The following DGKB variants were observed in gnomAD, a reference collection of about 807,000 sequenced individuals.
The protein encoded by DGKB is diacylglycerol kinase beta.
Under a neutral mutation model 114.3 loss-of-function variants are expected in DGKB, and 67 were observed. That is an observed-to-expected ratio of 0.59 (90% CI 0.48 to 0.72). The LOEUF (loss-of-function observed/expected upper bound fraction) is 0.72. Ranked by LOEUF, DGKB falls within the 30% of genes least tolerant of loss-of-function variation. The pLI is 0.00. For synonymous variants in DGKB, 398 were observed against 323.1 expected (o/e 1.23, Z -2.49); for missense variants, 907 against 975.2 (o/e 0.93, Z 0.93).
rs547219799 is a variant in DGKB, at chr7:14,719,723, G to A, written c.323-1038C>T. Among the ~76,000 whole-genome samples, 10 of 152,220 alleles carry A rather than the reference G, an allele frequency of 6.6e-5. No individual in the cohort carries two copies. The South Asian group carries it at 1.9e-3, about 28-fold the overall frequency. On this transcript the variant is annotated intron_variant, in intron 5 of 25. Transcript: ENST00000402815. ...CCATGAATACCTATCACCTCGTCAA[G>A]CCATCTCAAGATTCCCAGGCATATA...
chr7:14,650,060 C>T (rs968169681), intron 13 of DGKB, among the ~76,000 whole-genome samples: 3 of 151,888 alleles, frequency 2.0e-5, no homozygotes, highest in Non-Finnish European at 2.9e-5. Flanking sequence ...GACTTTAACA[C>T]CCCACTGTCA....
chr7:14,425,144 A>G (rs1276014145), intron 21 of DGKB, among the ~76,000 whole-genome samples: 2 of 151,996 alleles, frequency 1.3e-5, no homozygotes, highest in African/African-American at 4.8e-5. Flanking sequence ...TTCTTCTTTT[A>G]TTTGCTAATA....
chr7:14,236,368 C>CA (rs5882436), intron 23 of DGKB, among the ~76,000 whole-genome samples: 10 of 150,558 alleles, frequency 6.6e-5, no homozygotes, highest in Admixed American at 4.0e-4. Flanking sequence ...TTATTTCTGC[C>CA]AAAAAAAAGG....
At chr7:14,382,514 C>A (rs1416720808) in intron 21 of DGKB, among the ~76,000 whole-genome samples, 4 of 151,774 alleles carry the variant, frequency 2.6e-5, no homozygotes, top group African/African-American at 9.7e-5. Flanking sequence ...CTATAGTTTG[C>A]CTTATGGAAG....
intron 18 of DGKB, among the ~76,000 whole-genome samples, chr7:14,582,559 C>G (rs1052400541): frequency 3.3e-5 from 5 of 152,036 alleles, no homozygotes; most frequent in African/African-American, 1.2e-4. Flanking sequence ...TTAATACTAT[C>G]TGTATCATAG....
intron 2 of DGKB, among the ~76,000 whole-genome samples, chr7:14,765,875 CTT>C (rs2128461959): frequency 6.6e-6 from 1 of 151,962 alleles, no homozygotes; most frequent in Admixed American, 6.6e-5. Context: ...TTTAACAACT[CTT>C]TGGGATGTGA....
At chr7:14,842,033 T>C (rs1386091762) in intron 1 of DGKB, among the ~76,000 whole-genome samples, 1 of 152,230 alleles carries the variant, frequency 6.6e-6, no homozygotes, top group African/African-American at 2.4e-5. Context: ...ATCTCTAGGT[T>C]GTCATGGACC....
chr7:14,271,680 A>T (rs985847026), intron 23 of DGKB, among the ~76,000 whole-genome samples: 2 of 152,326 alleles, frequency 1.3e-5, no homozygotes, highest in Non-Finnish European at 2.9e-5. Context: ...AGTGCTCTGA[A>T]AGAGAGCACT....
intron 21 of DGKB, among the ~76,000 whole-genome samples, chr7:14,361,047 G>C (rs1196751427): frequency 6.6e-6 from 1 of 151,790 alleles, no homozygotes; most frequent in Admixed American, 6.6e-5. Context: ...CCTATATTCT[G>C]TGAAGACTAC....
At chr7:14,405,735 G>C (rs1265179838) in intron 21 of DGKB, among the ~76,000 whole-genome samples, 1 of 152,048 alleles carries the variant, frequency 6.6e-6, no homozygotes, top group African/African-American at 2.4e-5. Context: ...GTATGTGAGA[G>C]AGTAATGGAA....
intron 1 of DGKB, among the ~76,000 whole-genome samples, chr7:14,863,830 T>C (rs748315981): frequency 6.6e-6 from 1 of 152,080 alleles, no homozygotes; most frequent in Non-Finnish European, 1.5e-5. Context: ...CCGGGTGTGG[T>C]GGCTCATGTC....
intron 1 of DGKB, among the ~76,000 whole-genome samples, chr7:14,892,233 T>C (rs1297586664): frequency 6.6e-6 from 1 of 151,212 alleles, no homozygotes; most frequent in Non-Finnish European, 1.5e-5. Flanking sequence ...AATACCAAGA[T>C]CCAGAATGGA....
At chr7:14,603,034 A>G (rs1803844760) in intron 17 of DGKB, among the ~76,000 whole-genome samples, 1 of 152,166 alleles carries the variant, frequency 6.6e-6, no homozygotes, top group African/African-American at 2.4e-5. Context: ...AAAGGTGACT[A>G]AAGGCCTACA....
Position 14,487,687 on chromosome 7 carries a change from G to A in DGKB, c.1771-9462C>T, listed in dbSNP as rs144885743. On this transcript the variant is annotated intron_variant, in intron 20 of 25. Coordinates refer to ENST00000402815, the MANE Select transcript of DGKB (RefSeq NM_001350709.2). Reference sequence around the variant, plus strand: ...CAGTGCAATAGCTCACTGCAGCCTTGAACTCCTGGGCTCCAGTGATCCTCT... The same window carrying A: ...CAGTGCAATAGCTCACTGCAGCCTTAAACTCCTGGGCTCCAGTGATCCTCT... 8.8e-3 allele frequency among the ~76,000 whole-genome samples: 1,299 copies of A among 147,950 alleles called. 12 individuals are homozygous for A. Among genetic ancestry groups the A allele is most frequent in the Non-Finnish European group, 0.014 (911 of 67,374 alleles).
At chr7:14,262,746 A>T (rs139415620) in intron 23 of DGKB, among the ~76,000 whole-genome samples, 315 of 152,276 alleles carry the variant, frequency 2.1e-3, no homozygotes, top group Non-Finnish European at 3.4e-3. Context: ...ATGTGGAATG[A>T]TAAACTCAGA....
At chr7:14,325,802 G>C (rs114084647) in intron 23 of DGKB, among the ~76,000 whole-genome samples, 57 of 152,208 alleles carry the variant, frequency 3.7e-4, no homozygotes, top group African/African-American at 1.3e-3. Flanking sequence ...AGGGCTACTG[G>C]TCCACGGTTA....
At chr7:14,314,870 G>A (rs931622858) in intron 23 of DGKB, among the ~76,000 whole-genome samples, 12 of 151,792 alleles carry the variant, frequency 7.9e-5, no homozygotes, top group African/African-American at 2.2e-4. Flanking sequence ...AAATGTTAAG[G>A]GCAGCCAGAG....
Position 14,874,581 on chromosome 7 carries a change from A to C in DGKB, c.-188+28011T>G, listed in dbSNP as rs114607279. Among the ~76,000 whole-genome samples, 874 of 152,128 alleles carry C rather than the reference A, an allele frequency of 5.7e-3. 11 individuals carry two copies. The highest frequency in any genetic ancestry group is 0.02 in the African/African-American group (832 of 41,538). ...TCTCTCTCTCTTTTTCTATATATAG[A>C]AGGATATACACACACACACACATAT... On this transcript the variant is annotated intron_variant, in intron 1 of 25. Transcript: ENST00000402815.
chr7:14,286,922 G>A (rs1448743106), intron 23 of DGKB, among the ~76,000 whole-genome samples: 1 of 151,958 alleles, frequency 6.6e-6, no homozygotes, highest in South Asian at 2.1e-4. Context: ...CAACACATTC[G>A]CCACTTACAT....
Sources: allele counts gnomAD v4.1 joint callset (sites outside exome capture counted in the v4.1 genomes callset), GRCh38; gene constraint gnomAD v4.1.1; transcripts MANE v1.5; gene names NCBI Gene and HGNC (gene_info 2026-07-23, HGNC 2026-07-21).